Variants in ATP7A observed in about 807,000 individuals in gnomAD.
ATP7A encodes the protein copper-transporting ATPase 1.
A neutral mutation model predicts 83.5 loss-of-function variants in ATP7A; 7 were observed. That is an observed-to-expected ratio of 0.08 (90% CI 0.05 to 0.16). ATP7A has a LOEUF of 0.16. Among genes scored for constraint, ATP7A ranks in the 10% least tolerant of loss-of-function variants. The pLI is 1.00. For synonymous variants in ATP7A, 354 were observed against 395.2 expected (o/e 0.90, Z 1.24); for missense variants, 940 against 1,120.8 (o/e 0.84, Z 2.30).
At chrX:78,011,154 T>C (rs1557234392) in intron 7 of ATP7A, 22 bp from the exon 8 acceptor site, 19 of 1,184,963 alleles carry the variant, frequency 1.6e-5, no homozygotes, top group Non-Finnish European at 1.8e-5. Flanking sequence ...TGAAATAATT[T>C]TTTTCTCATG....
chrX:77,916,011 G>A (rs1012849140), intron 1 of ATP7A, among the ~76,000 whole-genome samples: 7 of 111,772 alleles, frequency 6.3e-5, no homozygotes, highest in South Asian at 7.3e-4. Context: ...TTGAGCTACC[G>A]CTCCCGGCCC....
At chrX:77,915,113 G>A (rs782782983) in intron 1 of ATP7A, among the ~76,000 whole-genome samples, 1 of 111,496 alleles carries the variant, frequency 9.0e-6, no homozygotes, top group East Asian at 2.8e-4. Context: ...CCAGGCGTTC[G>A]AGACCAGCCT....
Position 78,009,399 on chromosome X carries a change from C to G in ATP7A, c.1869+136C>G, listed in dbSNP as rs782032253. ...TGAACACTTCAAACAAGATCTGTCT[C>G]AAAATTTAATGTAAACGTGTCTGCA... On this transcript the variant is annotated intron_variant, in intron 7 of 22. Transcript: ENST00000341514. 5 of 760,997 alleles carry G rather than the reference C, an allele frequency of 6.6e-6. No individual in the cohort carries two copies. The Admixed American group carries it at 1.2e-4, about 19-fold the overall frequency. 62.7% of individuals were successfully genotyped at this position (760,997 alleles called of 1,213,427 possible).
chrX:77,956,783 CTTTCTCTT>C (rs1356053435), intron 1 of ATP7A, among the ~76,000 whole-genome samples: 1 of 94,590 alleles, frequency 1.1e-5, no homozygotes, highest in Non-Finnish European at 2.1e-5. Flanking sequence ...TTCTTTCTTT[CTTTCTCTT>C]TCTTTCTTTT....
chrX:78,037,949 G>A (rs1053738669), intron 17 of ATP7A, among the ~76,000 whole-genome samples: 1 of 102,097 alleles, frequency 9.8e-6, no homozygotes, highest in Non-Finnish European at 2.0e-5. Flanking sequence ...GATAAATGTG[G>A]TAGCTAGAGA....
At chrX:78,036,455 T>C (rs1331950945) in intron 17 of ATP7A, among the ~76,000 whole-genome samples, 1 of 111,138 alleles carries the variant, frequency 9.0e-6, no homozygotes, top group African/African-American at 3.3e-5. Context: ...AGGAGAACAG[T>C]GTGGCAAGCG....
chrX:77,931,256 A>T (rs2077272405), intron 1 of ATP7A, among the ~76,000 whole-genome samples: 1 of 109,435 alleles, frequency 9.1e-6, no homozygotes, highest in Non-Finnish European at 1.9e-5. Flanking sequence ...TTAACAAAGC[A>T]CATCTTGCAC....
At chrX:77,925,934 C>T (rs1214852868) in intron 1 of ATP7A, among the ~76,000 whole-genome samples, 3 of 81,426 alleles carry the variant, frequency 3.7e-5, no homozygotes, top group African/African-American at 9.4e-5. Flanking sequence ...TTTTTTTTAA[C>T]GCCATAAAGT....
intron 12 of ATP7A, among the ~76,000 whole-genome samples, chrX:78,017,754 T>C (rs1377657669): frequency 4.8e-5 from 5 of 104,880 alleles, no homozygotes; most frequent in Non-Finnish European, 9.7e-5. Flanking sequence ...CATCCGTCTC[T>C]TTTCTTGTTT....
intron 14 of ATP7A, 21 bp downstream of exon 14, chrX:78,021,100 C>T (rs200420985): frequency 1.8e-5 from 21 of 1,184,577 alleles, no homozygotes; most frequent in East Asian, 6.0e-5. Flanking sequence ...TGTAATAACT[C>T]GTTACTATAT....
At chrX:78,039,031 TATTA>T (rs781823733) in intron 18 of ATP7A, 49 bp downstream of exon 18, 18 of 1,166,494 alleles carry the variant, frequency 1.5e-5, no homozygotes, top group East Asian at 3.0e-5. Context: ...GTTATTGTTT[TATTA>T]ATTTATTTAT....
chrX:77,998,482 G>T lies in ATP7A; in HGVS notation c.1341G>T (p.Thr447=). The T allele has an allele frequency of 8.3e-7, 1 of 1,210,821 alleles. No individual in the cohort carries two copies. Among genetic ancestry groups the T allele is most frequent in the African/African-American group, 1.7e-5 (1 of 57,795 alleles). ...GAATCTTTCCCTTTCTACCAGACAC[G>T]AATGAGCCGTTGGTAGTAATAGCTC... The part of the protein sequence containing the change: ...DMGFDATLSD[T]NEPLVVIAQP... The change falls in exon 5 of 23, where the codon ACG becomes ACT. Residue 447 remains threonine (T), a synonymous_variant. Coordinates refer to ENST00000341514, the MANE Select transcript of ATP7A (RefSeq NM_000052.7).
chrX:77,951,522 C>T (rs2077413363), intron 1 of ATP7A, among the ~76,000 whole-genome samples: 2 of 110,407 alleles, frequency 1.8e-5, no homozygotes, highest in South Asian at 7.5e-4. Context: ...CACATATGTA[C>T]GTTTCTGGAA....
chrX:78,009,374 T>G (rs782409146), intron 7 of ATP7A, 111 bp downstream of exon 7: 2 of 862,976 alleles, frequency 2.3e-6, no homozygotes, highest in African/African-American at 4.0e-5. Flanking sequence ...CTAACTCCTT[T>G]GAACACTTCA....
rs782610106 is a variant in ATP7A at position 77,911,982 on chromosome X, T to G, written c.-22+1147T>G. The stretch of plus-strand genomic sequence containing the variant: ...GAAAAATAAACAGTTTACATACAAT[T>G]GAGTCCGAATTGAGTCAGTTGAATT... On this transcript the variant is annotated intron_variant, in intron 1 of 22. Coordinates refer to ENST00000341514, the MANE Select transcript of ATP7A (RefSeq NM_000052.7). Among the ~76,000 whole-genome samples, 8 of 112,114 alleles carry G rather than the reference T, an allele frequency of 7.1e-5. No homozygotes were observed. The Admixed American group carries it at 7.6e-4, about 11-fold the overall frequency.
intron 16 of ATP7A, among the ~76,000 whole-genome samples, chrX:78,032,593 T>C (rs1381536345): frequency 8.9e-6 from 1 of 112,308 alleles, no homozygotes; most frequent in Non-Finnish European, 1.9e-5. Flanking sequence ...TTTTTATATA[T>C]GTATTGACCA....
rs190742131 is a variant in ATP7A, at chrX:77,991,932, A to G, written c.1336+1974A>G. Among the ~76,000 whole-genome samples, 771 of 110,145 alleles carry G rather than the reference A, an allele frequency of 7.0e-3. 9 individuals carry two copies. The highest frequency in any genetic ancestry group is 0.024 in the African/African-American group (739 of 30,303). On this transcript the variant is annotated intron_variant, in intron 4 of 22. Transcript: ENST00000341514. ...CAGCTACTCAGCGGGCTAAGGTGGG[A>G]GGATTGCTTAAGCCCGGAAGTCAAG...
intron 6 of ATP7A, among the ~76,000 whole-genome samples, chrX:78,003,728 G>A (rs1181364440): frequency 9.1e-6 from 1 of 110,464 alleles, no homozygotes; most frequent in Non-Finnish European, 1.9e-5. Flanking sequence ...GATTAGTTGA[G>A]GTCAGGAGTT....
chrX:78,045,548 T>A lies in ATP7A; in HGVS notation c.4202T>A (p.Val1401Glu). The A allele has an allele frequency of 8.3e-7, 1 of 1,209,214 alleles. No individual in the cohort carries two copies. Among genetic ancestry groups the A allele is most frequent in the Non-Finnish European group, 1.1e-6 (1 of 893,083 alleles). Reference protein sequence around the residue: ...AAMAASSVSVVLSSLFLKLYR... With the variant: ...AAMAASSVSVELSSLFLKLYR... ...ATGGCTGCTTCATCTGTTTCTGTAG[T>A]ACTTTCTTCTCTCTTCCTTAAACTG... The change falls in exon 22 of 23, where the codon GTA becomes GAA. Residue 1401 changes from valine to glutamate, a missense_variant. Physicochemically the swap from Val to Glu is moderately radical, Grantham distance 121 (BLOSUM62 -2). Transcript: ENST00000341514.
Sources: allele counts gnomAD v4.1 joint callset (sites outside exome capture counted in the v4.1 genomes callset), GRCh38; gene constraint gnomAD v4.1.1; transcripts MANE v1.5; gene names NCBI Gene and HGNC (gene_info 2026-07-23, HGNC 2026-07-21).